The following ZMIZ1 variants were observed in gnomAD, a reference collection of about 807,000 sequenced individuals.
The protein encoded by ZMIZ1 is zinc finger MIZ-type containing 1.
Under a neutral mutation model 113.9 loss-of-function variants are expected in ZMIZ1, and 17 were observed. That is an observed-to-expected ratio of 0.15 (90% CI 0.10 to 0.22). The LOEUF (loss-of-function observed/expected upper bound fraction) is 0.22. Ranked by LOEUF, ZMIZ1 falls within the 10% of genes least tolerant of loss-of-function variation. The probability of loss-of-function intolerance (pLI) is 1.00; values close to 1 mark genes in which losing one functional copy is unlikely to be tolerated. For missense variants in ZMIZ1, 1,059 were observed against 1,477.8 expected (o/e 0.72, Z 4.65); for synonymous variants, 607 against 603.1 (o/e 1.01, Z -0.09).
intron 7 of ZMIZ1, among the ~76,000 whole-genome samples, chr10:79,250,275 T>A (rs1295604519): frequency 6.6e-6 from 1 of 152,244 alleles, no homozygotes; most frequent in African/African-American, 2.4e-5. Context: ...TGTACAGTAC[T>A]CCTGCCTGTC....
At chr10:79,312,515 C>T in intron 24 of ZMIZ1, 127 bp from the exon 25 acceptor site, 1 of 942,942 alleles carries the variant, frequency 1.1e-6, no homozygotes, top group Non-Finnish European at 1.7e-6. Flanking sequence ...TGTTCTCTAC[C>T]CCTTTTTTTG....
At chr10:79,130,356 G>A (rs1026987031) in intron 2 of ZMIZ1, among the ~76,000 whole-genome samples, 2 of 152,216 alleles carry the variant, frequency 1.3e-5, no homozygotes, top group African/African-American at 4.8e-5. Context: ...TCATGTGAAA[G>A]GTCTGGGGAC....
intron 1 of ZMIZ1, among the ~76,000 whole-genome samples, chr10:79,091,926 A>C (rs538784890): frequency 6.7e-4 from 102 of 152,254 alleles, no homozygotes; most frequent in Non-Finnish European, 2.9e-4. Flanking sequence ...CCTGGGTTGG[A>C]GGAGACCTGA....
intron 3 of ZMIZ1, among the ~76,000 whole-genome samples, chr10:79,140,044 A>G (rs1845191988): frequency 6.6e-6 from 1 of 152,180 alleles, no homozygotes; most frequent in Non-Finnish European, 1.5e-5. Flanking sequence ...CTCAGTTCTC[A>G]AGGATTCTGT....
chr10:79,084,158 A>G (rs1184886410), intron 1 of ZMIZ1, among the ~76,000 whole-genome samples: 12 of 152,022 alleles, frequency 7.9e-5, no homozygotes, highest in Admixed American at 7.9e-4. Context: ...GTGAACTCCT[A>G]CCCATCCTTA....
chr10:79,310,961 C>A lies in ZMIZ1; in HGVS notation c.2873C>A (p.Ser958Tyr). 6.2e-7 allele frequency: 1 copy of A among 1,613,982 alleles called. No homozygotes were observed. Residue 958 changes from serine to tyrosine, a missense_variant, in exon 24 of 25, where the codon TCC becomes TAC. Physicochemically the swap from Ser to Tyr is moderately radical, Grantham distance 144 (BLOSUM62 -2). This residue lies in a region of ZMIZ1 where 225 missense variants were observed against 276.0 expected (regional missense o/e 0.82). Coordinates refer to ENST00000334512, the MANE Select transcript of ZMIZ1 (RefSeq NM_020338.4). The part of the protein sequence containing the change: ...HAGSSDQPHP[S>Y]IQQGLHVPHP... ...GGCAGCTCTGACCAGCCCCACCCCT[C>A]CATACAACAAGGTTTGCACGTACCA...
chr10:79,217,683 C>G (rs774672762), intron 7 of ZMIZ1, among the ~76,000 whole-genome samples: 1 of 152,198 alleles, frequency 6.6e-6, no homozygotes, highest in African/African-American at 2.4e-5. Flanking sequence ...TAATCTCTTG[C>G]GTGTGAGTTT....
intron 1 of ZMIZ1, among the ~76,000 whole-genome samples, chr10:79,081,523 C>T (rs561088561): frequency 2.0e-5 from 3 of 152,284 alleles, no homozygotes; most frequent in South Asian, 2.1e-4. Context: ...CTGAGAAGGC[C>T]GTCTGTCTTC....
At chr10:79,249,927 G>C (rs1332334250) in intron 7 of ZMIZ1, among the ~76,000 whole-genome samples, 1 of 152,162 alleles carries the variant, frequency 6.6e-6, no homozygotes, top group Non-Finnish European at 1.5e-5. Flanking sequence ...ACCCACATCT[G>C]TCATTTACCA....
At chr10:79,243,300 C>G (rs1328980707) in intron 7 of ZMIZ1, among the ~76,000 whole-genome samples, 2 of 150,306 alleles carry the variant, frequency 1.3e-5, no homozygotes, top group Admixed American at 6.6e-5. Flanking sequence ...CCATCCCCGT[C>G]CCTGGAGAGC....
chr10:79,077,960 C>T (rs1327399016), intron 1 of ZMIZ1, among the ~76,000 whole-genome samples: 2 of 152,202 alleles, frequency 1.3e-5, no homozygotes, highest in Non-Finnish European at 2.9e-5. Context: ...TGGAGCCCAA[C>T]CAAAGCGGCC....
At chr10:79,100,298 A>G (rs1843314615) in intron 1 of ZMIZ1, among the ~76,000 whole-genome samples, 1 of 151,870 alleles carries the variant, frequency 6.6e-6, no homozygotes, top group Non-Finnish European at 1.5e-5. Context: ...TGAGTTGGGG[A>G]ATGCTCAGCA....
chr10:79,156,904 A>G (rs1176104412), intron 3 of ZMIZ1, among the ~76,000 whole-genome samples: 1 of 152,190 alleles, frequency 6.6e-6, no homozygotes, highest in Admixed American at 6.5e-5. Context: ...TGGAATGAGG[A>G]CTACCAGGTC....
At chr10:79,081,046 C>T (rs1484116755) in intron 1 of ZMIZ1, among the ~76,000 whole-genome samples, 1 of 152,178 alleles carries the variant, frequency 6.6e-6, no homozygotes, top group African/African-American at 2.4e-5. Flanking sequence ...AGCACCTTCC[C>T]ATGTGGGCTT....
chr10:79,305,983 G>A (rs1050376585), intron 21 of ZMIZ1, 117 bp from the exon 22 acceptor site: 1 of 1,461,982 alleles, frequency 6.8e-7, no homozygotes, highest in Non-Finnish European at 9.2e-7. Context: ...ACAGTGTGGT[G>A]AGAGTGGGAG....
chr10:79,101,812 C>T (rs1467078319), intron 1 of ZMIZ1, among the ~76,000 whole-genome samples: 1 of 152,196 alleles, frequency 6.6e-6, no homozygotes, highest in Non-Finnish European at 1.5e-5. Flanking sequence ...TGTCCCCGAC[C>T]ATAAACACAC....
rs571354104 is a variant in ZMIZ1 at position 79,309,461 on chromosome 10, TC to T, written c.2836-1461del. Among the ~76,000 whole-genome samples, 21 of 152,290 alleles carry T rather than the reference TC, an allele frequency of 1.4e-4. No individual in the cohort carries two copies. The South Asian group carries it at 3.9e-3, about 29-fold the overall frequency. On this transcript the variant is annotated intron_variant, in intron 23 of 24. Coordinates refer to ENST00000334512, the MANE Select transcript of ZMIZ1 (RefSeq NM_020338.4). ...CTGACCATGGGTGGTGGCCCATTCC[TC>T]CAGCCTCTTGTATGTGTCTCATAAA...
chr10:79,312,820 T>C lies in ZMIZ1; in HGVS notation c.*71T>C. Reference sequence around the variant, plus strand: ...CACCTACCCAACACACTTTTCCACCTGGGAGCCTGTGCCCTCAGACCGCCC... The same window carrying C: ...CACCTACCCAACACACTTTTCCACCCGGGAGCCTGTGCCCTCAGACCGCCC... On this transcript the variant is annotated 3_prime_UTR_variant, in exon 25 of 25. Coordinates refer to ENST00000334512, the MANE Select transcript of ZMIZ1 (RefSeq NM_020338.4). 6.7e-7 allele frequency: 1 copy of C among 1,482,192 alleles called. No homozygotes were observed. Among genetic ancestry groups the C allele is most frequent in the Non-Finnish European group, 9.4e-7 (1 of 1,066,098 alleles). 91.8% of individuals were successfully genotyped at this position (1,482,192 alleles called of 1,614,324 possible).
chr10:79,245,191 C>T (rs11002889), intron 7 of ZMIZ1, among the ~76,000 whole-genome samples: 56,979 of 152,088 alleles, frequency 0.37, 12,492 homozygotes, highest in South Asian at 0.57. Flanking sequence ...CACAGCCCTC[C>T]CCTGGCTCAG....
Sources: gnomAD v4.1 joint callset for allele counts (sites outside exome capture counted in the v4.1 genomes callset) on GRCh38, gnomAD v4.1.1 for gene constraint, gnomAD v4.1.1 regional missense constraint, MANE v1.5 for transcripts, NCBI Gene and HGNC (gene_info 2026-07-23, HGNC 2026-07-21) for gene names.